Variants in INPP5F observed in about 807,000 individuals in gnomAD.
INPP5F encodes the protein phosphatidylinositide 4-phosphatase SAC2.
INPP5F carries 97 observed loss-of-function variants against 137.2 expected under a neutral mutation model. That is an observed-to-expected ratio of 0.71 (90% confidence interval 0.60 to 0.84). The LOEUF is 0.84. Among genes scored for constraint, INPP5F ranks in the 40% least tolerant of loss-of-function variants. INPP5F has a pLI of 0.00. For synonymous variants in INPP5F, 504 were observed against 476.9 expected (o/e 1.06, Z -0.74); for missense variants, 1,271 against 1,371.9 (o/e 0.93, Z 1.16).
At chr10:119,807,583 A>G (rs1209329667) in intron 12 of INPP5F, among the ~76,000 whole-genome samples, 1 of 152,240 alleles carries the variant, frequency 6.6e-6, no homozygotes, top group African/African-American at 2.4e-5. Flanking sequence ...AACATTTACT[A>G]GGCACTTAAC....
At position 119,732,500 on chromosome 10, in the gene INPP5F, C is replaced by CTTTTTTTTTT. The variant is rs59388357; in HGVS notation, c.97+6149_97+6158dup. 2.5e-3 allele frequency among the ~76,000 whole-genome samples: 292 copies of CTTTTTTTTTT among 115,444 alleles called. 5 individuals carry two copies. In the East Asian group the frequency reaches 0.029, roughly 12 times the overall value. The allele number at this position is 115,444 out of a possible 152,430, so 75.7% of individuals were successfully genotyped here. On this transcript the variant is annotated intron_variant, in intron 1 of 19. Coordinates refer to ENST00000650623, the MANE Select transcript of INPP5F (RefSeq NM_014937.4). Reference sequence around the variant, plus strand: ...TGAGCACTTTTCTTTTTTCTTTTTTCTTTTTTTTTTTTTTTTTGAGACGGA... The same window carrying CTTTTTTTTTT: ...TGAGCACTTTTCTTTTTTCTTTTTTCTTTTTTTTTTTTTTTTTTTTTTTTTTTGAGACGGA...
At chr10:119,812,743 T>C (rs1851092177) in intron 15 of INPP5F, among the ~76,000 whole-genome samples, 1 of 152,220 alleles carries the variant, frequency 6.6e-6, no homozygotes, top group African/African-American at 2.4e-5. Context: ...ACTTTGATAG[T>C]AAATACTGTT....
At chr10:119,820,294 G>A (rs1383755825) in intron 15 of INPP5F, among the ~76,000 whole-genome samples, 3 of 152,176 alleles carry the variant, frequency 2.0e-5, no homozygotes, top group Non-Finnish European at 2.9e-5. Flanking sequence ...GGAAGTGTTT[G>A]TTTATTGAAA....
chr10:119,737,429 G>A (rs1328922133), intron 1 of INPP5F, among the ~76,000 whole-genome samples: 1 of 152,070 alleles, frequency 6.6e-6, no homozygotes, highest in East Asian at 1.9e-4. Context: ...AATCACCAGG[G>A]GGAGATTTAA....
chr10:119,793,615 A>C (rs970999636), intron 6 of INPP5F: 1 of 152,254 alleles, frequency 6.6e-6, no homozygotes, highest in African/African-American at 2.4e-5. Flanking sequence ...CTGTCTTCTT[A>C]GTCTGAAAGA....
At chr10:119,801,841 G>T (rs1171666549) in intron 9 of INPP5F, among the ~76,000 whole-genome samples, 1 of 152,188 alleles carries the variant, frequency 6.6e-6, no homozygotes, top group Non-Finnish European at 1.5e-5. Context: ...ATACTAAGGT[G>T]TGCAAGCAGA....
chr10:119,821,982 C>T (rs887355642), intron 16 of INPP5F, among the ~76,000 whole-genome samples: 19 of 148,600 alleles, frequency 1.3e-4, no homozygotes, highest in African/African-American at 4.9e-4. Flanking sequence ...GATTCTCCTC[C>T]TGGGTTCAAG....
rs909624781 is a variant in INPP5F at position 119,827,253 on chromosome 10, A to G, written c.2872A>G (p.Ile958Val). The change falls in exon 20 of 20, where the codon ATT (isoleucine) becomes GTT (valine). Residue 958 changes from isoleucine to valine, a missense_variant. Coordinates refer to ENST00000650623, the MANE Select transcript of INPP5F (RefSeq NM_014937.4). The stretch of plus-strand genomic sequence containing the variant: ...GACTGGCTTTGCCAAGCCTATGGAT[A>G]TTTACTGCCACAGATTTGTGCAAGA... The part of the protein sequence containing the change: ...ILTGFAKPMD[I>V]YCHRFVQDAQ... 13 of 1,614,006 alleles carry G rather than the reference A, an allele frequency of 8.1e-6. No individual in the cohort carries two copies. Among genetic ancestry groups the G allele is most frequent in the East Asian group, 2.2e-5 (1 of 44,894 alleles).
chr10:119,797,007 G>C, intron 7 of INPP5F, 94 bp downstream of exon 7: 1 of 1,241,284 alleles, frequency 8.1e-7, no homozygotes, highest in Non-Finnish European at 1.2e-6. Context: ...TAATGGATTT[G>C]GGAACACAGT....
chr10:119,764,343 GCACACA>G (rs71019713), intron 2 of INPP5F, among the ~76,000 whole-genome samples: 1 of 150,752 alleles, frequency 6.6e-6, no homozygotes, highest in African/African-American at 2.4e-5. Flanking sequence ...ACAGGCGTGT[GCACACA>G]CACACACACA....
intron 2 of INPP5F, among the ~76,000 whole-genome samples, chr10:119,770,851 T>A (rs1849312281): frequency 6.6e-6 from 1 of 152,344 alleles, no homozygotes; most frequent in East Asian, 1.9e-4. Flanking sequence ...AAGTATACTT[T>A]TAGTTTTTTA....
chr10:119,785,286 G>GTTGTTTTTTT lies in INPP5F; in HGVS notation c.315+3517_315+3518insGTTTTTTTTT, dbSNP rs770290302. Among the ~76,000 whole-genome samples the GTTGTTTTTTT allele has an allele frequency of 2.0e-4, 21 of 106,234 alleles. 1 individual carries two copies. Among genetic ancestry groups the GTTGTTTTTTT allele is most frequent in the Admixed American group, 1.2e-3 (12 of 10,212 alleles). The allele number at this position is 106,234 out of a possible 152,430, so 69.7% of individuals were successfully genotyped here. On this transcript the variant is annotated intron_variant, in intron 3 of 19. Coordinates refer to ENST00000650623, the MANE Select transcript of INPP5F (RefSeq NM_014937.4). ...TAACCTTTTGTGGAACTGCCAGACT[G>GTTGTTTTTTT]TTTTTTTTTTTTTTTTGGAGACGGA...
At chr10:119,742,842 A>G (rs1848415310) in intron 1 of INPP5F, among the ~76,000 whole-genome samples, 1 of 152,130 alleles carries the variant, frequency 6.6e-6, no homozygotes, top group African/African-American at 2.4e-5. Flanking sequence ...AAAATACAAA[A>G]TTAGCCCGGC....
chr10:119,826,849 A>ATCTT lies in INPP5F; in HGVS notation c.2470_2473dup (p.Trp825SerfsTer6). On this transcript the variant is annotated frameshift_variant, in exon 20 of 20. Transcript: ENST00000650623. LOFTEE classifies it high-confidence loss of function. ...TTTCTAAAACCAAACTTAAAAGTAAATCTTTGGAAATCAGATAGTAGTCTT... is the reference window on the plus strand; with the variant it reads ...TTTCTAAAACCAAACTTAAAAGTAAATCTTTCTTTGGAAATCAGATAGTAGTCTT... 1 of 1,613,888 alleles carries ATCTT rather than the reference A, an allele frequency of 6.2e-7. No individual in the cohort carries two copies. Among genetic ancestry groups the ATCTT allele is most frequent in the Non-Finnish European group, 8.5e-7 (1 of 1,179,916 alleles).
In INPP5F at chr10:119,827,981, G is replaced by A; in HGVS notation, c.*201G>A. The A allele has an allele frequency of 3.8e-6, 2 of 527,956 alleles. No individual in the cohort carries two copies. Among genetic ancestry groups the A allele is most frequent in the Non-Finnish European group, 6.8e-6 (2 of 295,682 alleles). 32.7% of individuals were successfully genotyped at this position (527,956 alleles called of 1,614,324 possible). ...GAAGTGCATCATTCTAGAATGTGTA[G>A]ACCTGAGTAGCTTATACACTACAGA... On this transcript the variant is annotated 3_prime_UTR_variant, in exon 20 of 20. Transcript: ENST00000650623.
rs1849503240 is a variant in INPP5F at position 119,775,731 on chromosome 10, G to A, written c.179-5904G>A. On this transcript the variant is annotated intron_variant, in intron 2 of 19. Coordinates refer to ENST00000650623, the MANE Select transcript of INPP5F (RefSeq NM_014937.4). ...CATTGATAACTGTTGGGCCTAAGTG[G>A]TGGGTGGATTTGGTTTGATTATATT... Among the ~76,000 whole-genome samples the A allele has an allele frequency of 2.0e-5, 3 of 152,140 alleles. No individual in the cohort carries two copies. The South Asian group carries it at 6.2e-4, about 32-fold the overall frequency.
chr10:119,792,727 T>C (rs2134208260), intron 6 of INPP5F, among the ~76,000 whole-genome samples: 1 of 152,330 alleles, frequency 6.6e-6, no homozygotes, highest in Admixed American at 6.5e-5. Context: ...TTTGGTTTGA[T>C]GATTATTTTT....
At chr10:119,745,611 A>G (rs7901932) in intron 1 of INPP5F, among the ~76,000 whole-genome samples, 2,631 of 152,040 alleles carry the variant, frequency 0.017, 62 homozygotes, top group African/African-American at 0.06. Context: ...TAGTTACATC[A>G]ACCTTGTGAT....
Position 119,810,171 on chromosome 10 carries a change from A to G in INPP5F, c.1641A>G (p.Arg547=). Residue 547 remains arginine (R), a synonymous_variant, in exon 14 of 20, where the codon AGA becomes AGG. Transcript: ENST00000650623. ...AAGATGGAGTGAACTCAGCAAACAG[A>G]TATTACCTCAACCGATTTAAGGATG... is the stretch of plus-strand genomic sequence containing the variant. ...VMKDGVNSAN[R]YYLNRFKDAY... 1 of 1,612,962 alleles carries G rather than the reference A, an allele frequency of 6.2e-7. No individual in the cohort carries two copies. Among genetic ancestry groups the G allele is most frequent in the Non-Finnish European group, 8.5e-7 (1 of 1,179,076 alleles).
Sources: allele counts gnomAD v4.1 joint callset (sites outside exome capture counted in the v4.1 genomes callset), GRCh38; gene constraint gnomAD v4.1.1; transcripts MANE v1.5; gene names NCBI Gene and HGNC (gene_info 2026-07-23, HGNC 2026-07-21).